SHANK2: variants seen among roughly 807,000 people sequenced by gnomAD.
SHANK2 encodes the protein SH3 and multiple ankyrin repeat domains protein 2.
SHANK2 carries 43 observed loss-of-function variants against 133.7 expected under a neutral mutation model. That is an observed-to-expected ratio of 0.32 (90% CI 0.25 to 0.41). The LOEUF is 0.41. Ranked by LOEUF, SHANK2 falls within the 10% of genes least tolerant of loss-of-function variation. The pLI, the probability that SHANK2 is intolerant of heterozygous loss-of-function variation, is 1.00. For missense variants in SHANK2, 1,994 were observed against 2,235.8 expected (o/e 0.89, Z 2.18); for synonymous variants, 1,017 against 952.8 (o/e 1.07, Z -1.24).
rs1033646907 is a variant in SHANK2 at position 70,572,835 on chromosome 11, G to A, written c.2062-69904C>T. ...GATGGTGAGGCTGCTTTGGAAGACC[G>A]CTTGGCCGTCTCTCAAACTTACACA... On this transcript the variant is annotated intron_variant, in intron 17 of 25. Coordinates refer to ENST00000601538, the MANE Select transcript of SHANK2 (RefSeq NM_012309.5). Among the ~76,000 whole-genome samples, 9 of 152,274 alleles carry A rather than the reference G, an allele frequency of 5.9e-5. No homozygotes were observed. The East Asian group carries it at 7.7e-4, about 13-fold the overall frequency.
intron 11 of SHANK2, among the ~76,000 whole-genome samples, chr11:70,890,359 G>A (rs1407878117): frequency 6.6e-6 from 1 of 151,538 alleles, no homozygotes; most frequent in Non-Finnish European, 1.5e-5. Context: ...GAAAAAATTG[G>A]GCCAGGCCCA....
chr11:70,789,744 C>T (rs1555047509), intron 14 of SHANK2, among the ~76,000 whole-genome samples: 2 of 152,236 alleles, frequency 1.3e-5, no homozygotes, highest in Non-Finnish European at 2.9e-5. Context: ...AGCTGCCTGG[C>T]TGTGAGGCCC....
intron 11 of SHANK2, among the ~76,000 whole-genome samples, chr11:70,833,860 C>G (rs1049937505): frequency 3.9e-5 from 6 of 152,226 alleles, no homozygotes; most frequent in Non-Finnish European, 7.3e-5. Flanking sequence ...GGAAGGCCAT[C>G]AGGCCGCTAG....
chr11:70,826,072 T>C (rs1463842085), intron 11 of SHANK2, among the ~76,000 whole-genome samples: 2 of 152,180 alleles, frequency 1.3e-5, no homozygotes, highest in African/African-American at 4.8e-5. Context: ...ACCCATTTGG[T>C]GCAGCCAGCC....
intron 10 of SHANK2, among the ~76,000 whole-genome samples, chr11:70,955,533 T>G (rs1267240581): frequency 1.3e-5 from 2 of 152,122 alleles, no homozygotes; most frequent in Non-Finnish European, 2.9e-5. Context: ...TATATATTTG[T>G]GTATGTGTGT....
chr11:70,558,386 T>G (rs1417036758), intron 17 of SHANK2, among the ~76,000 whole-genome samples: 1 of 152,200 alleles, frequency 6.6e-6, no homozygotes, highest in African/African-American at 2.4e-5. Context: ...CCATTCGGCG[T>G]GCACGACCCA....
chr11:70,942,731 T>G, intron 10 of SHANK2: 2 of 456,462 alleles, frequency 4.4e-6, no homozygotes, highest in South Asian at 3.1e-5. Flanking sequence ...CAAGCATCAG[T>G]TGCACTCTGC....
chr11:71,141,557 TC>T (rs1218108172), intron 3 of SHANK2, among the ~76,000 whole-genome samples: 8 of 152,162 alleles, frequency 5.3e-5, no homozygotes, highest in Middle Eastern at 3.4e-3. Flanking sequence ...TCCTCCAACT[TC>T]CACCATAATT....
intron 17 of SHANK2, among the ~76,000 whole-genome samples, chr11:70,628,858 C>T (rs1555000971): frequency 6.6e-6 from 1 of 152,212 alleles, no homozygotes. Context: ...CACAGTACTG[C>T]TGTGGGCTCT....
At chr11:71,069,668 G>T (rs2135963596) in intron 9 of SHANK2, among the ~76,000 whole-genome samples, 1 of 152,316 alleles carries the variant, frequency 6.6e-6, no homozygotes, top group South Asian at 2.1e-4. Flanking sequence ...AGGAAATTCA[G>T]GGCCCTAGAG....
intron 8 of SHANK2, among the ~76,000 whole-genome samples, chr11:71,092,193 A>G (rs890952869): frequency 5.3e-5 from 8 of 152,244 alleles, no homozygotes; most frequent in Non-Finnish European, 8.8e-5. Flanking sequence ...CAGTTTCTCC[A>G]GAGAAGTCAG....
intron 10 of SHANK2, chr11:70,943,863 T>C (rs1036772889): frequency 8.8e-6 from 4 of 454,794 alleles, no homozygotes; most frequent in Non-Finnish European, 1.8e-5. Context: ...CCACAGTGCT[T>C]TTTCAGGTGC....
At chr11:70,546,097 ATTTTTTTTTT>A (rs57144719) in intron 17 of SHANK2, among the ~76,000 whole-genome samples, 1 of 137,514 alleles carries the variant, frequency 7.3e-6, no homozygotes, top group African/African-American at 2.9e-5. Flanking sequence ...TATTTATTTA[ATTTTTTTTTT>A]TTTTTTTTTT....
At chr11:71,150,955 T>C (rs1952784865) in intron 2 of SHANK2, among the ~76,000 whole-genome samples, 1 of 152,128 alleles carries the variant, frequency 6.6e-6, no homozygotes, top group South Asian at 2.1e-4. Flanking sequence ...CAGTCATCTC[T>C]AGAAAAATCA....
At chr11:70,826,731 G>C in intron 11 of SHANK2, 1 of 321,068 alleles carries the variant, frequency 3.1e-6, no homozygotes, top group Non-Finnish European at 6.2e-6. Context: ...CCAACTGCAC[G>C]TAGACGGGCT....
intron 9 of SHANK2, among the ~76,000 whole-genome samples, chr11:71,058,966 G>C (rs1475838076): frequency 6.6e-6 from 1 of 152,228 alleles, no homozygotes; most frequent in African/African-American, 2.4e-5. Flanking sequence ...TGTAATCCCA[G>C]CACTTTGGGA....
intron 17 of SHANK2, among the ~76,000 whole-genome samples, chr11:70,653,925 C>T (rs576592): frequency 0.029 from 4,484 of 152,346 alleles, 238 homozygotes; most frequent in African/African-American, 0.1. Context: ...TAAGCCACCA[C>T]ACCCGGCCTT....
At chr11:70,636,565 A>G (rs1163458186) in intron 17 of SHANK2, among the ~76,000 whole-genome samples, 16 of 147,068 alleles carry the variant, frequency 1.1e-4, no homozygotes, top group South Asian at 2.1e-4. Context: ...GTACATGTGC[A>G]TGTGTGTGTA....
At chr11:70,652,498 A>G (rs2061349508) in intron 17 of SHANK2, among the ~76,000 whole-genome samples, 1 of 152,190 alleles carries the variant, frequency 6.6e-6, no homozygotes, top group Non-Finnish European at 1.5e-5. Context: ...GATGAAAGAC[A>G]AGATGATAAT....
Sources: gnomAD v4.1 joint callset for allele counts (sites outside exome capture counted in the v4.1 genomes callset) on GRCh38, gnomAD v4.1.1 for gene constraint, MANE v1.5 for transcripts, NCBI Gene and HGNC (gene_info 2026-07-23, HGNC 2026-07-21) for gene names.